KLF15: variants seen among roughly 807,000 people sequenced by gnomAD.
KLF15 encodes Krueppel-like factor 15.
Under a neutral mutation model 24.6 loss-of-function variants are expected in KLF15, and 4 were observed. That is an observed-to-expected ratio of 0.16 (90% CI 0.08 to 0.37). The LOEUF is 0.37. Ranked by LOEUF, KLF15 falls within the 10% of genes least tolerant of loss-of-function variation. KLF15 has a pLI of 1.00. For synonymous variants in KLF15, 246 were observed against 236.3 expected (o/e 1.04, Z -0.37); for missense variants, 496 against 560.6 (o/e 0.88, Z 1.16).
At chr3:126,323,416 TA>T in the KLF15 span, among the ~76,000 whole-genome samples, 11 of 35,392 alleles carry the variant, frequency 3.1e-4, no homozygotes, top group Admixed American at 3.1e-3. Context: ...TATATATATA[TA>T]TATATATATA....
At chr3:126,311,758 C>T in the KLF15 span, among the ~76,000 whole-genome samples, 1 of 152,226 alleles carries the variant, frequency 6.6e-6, no homozygotes, top group African/African-American at 2.4e-5. Flanking sequence ...TATAGCTCCC[C>T]TCACCCCCTG....
chr3:126,354,219 C>T (rs1000816981), intron 1 of KLF15: 4 of 152,310 alleles, frequency 2.6e-5, no homozygotes, highest in African/African-American at 4.8e-5. Flanking sequence ...CCAGCTGTGA[C>T]GGGGCCACCT....
chr3:126,332,303 AG>A, the KLF15 span, among the ~76,000 whole-genome samples: 4 of 148,514 alleles, frequency 2.7e-5, no homozygotes, highest in African/African-American at 9.9e-5. Context: ...ACCCCCCAGC[AG>A]GGGCACACTG....
chr3:126,294,551 G>A, the KLF15 span, among the ~76,000 whole-genome samples: 38 of 152,288 alleles, frequency 2.5e-4, no homozygotes, highest in African/African-American at 9.1e-4. Context: ...CTGTGGGGCA[G>A]GAGGAAGAGC....
chr3:126,335,944 A>T, the KLF15 span, among the ~76,000 whole-genome samples: 1 of 149,798 alleles, frequency 6.7e-6, no homozygotes, highest in South Asian at 2.2e-4. Context: ...CAAATGAAAG[A>T]ACATTCCATG....
the KLF15 span, among the ~76,000 whole-genome samples, chr3:126,328,912 T>C: frequency 6.6e-6 from 1 of 152,266 alleles, no homozygotes; most frequent in Non-Finnish European, 1.5e-5. Flanking sequence ...TATGTTTTAC[T>C]CACTAATTTG....
rs111412672 is a variant in KLF15, at chr3:126,349,776, G to A, written c.1082+2065C>T. Among the ~76,000 whole-genome samples, 1,036 of 152,316 alleles carry A rather than the reference G, an allele frequency of 6.8e-3. 16 individuals carry two copies. The highest frequency in any genetic ancestry group is 0.022 in the African/African-American group (934 of 41,574). ...GCCCGACTAAGGAGTCCAGACTGGTGCTTGGAGGGAGGTTTCCCTGCCTCT... is the reference window on the plus strand; with the variant it reads ...GCCCGACTAAGGAGTCCAGACTGGTACTTGGAGGGAGGTTTCCCTGCCTCT... On this transcript the variant is annotated intron_variant, in intron 2 of 2. Transcript: ENST00000296233.
intron 2 of KLF15, among the ~76,000 whole-genome samples, chr3:126,350,307 G>A (rs180829276): frequency 1.3e-5 from 2 of 152,338 alleles, no homozygotes; most frequent in Admixed American, 1.3e-4. Flanking sequence ...GCTCAGAGAG[G>A]TGGGGACTCC....
the KLF15 span, among the ~76,000 whole-genome samples, chr3:126,326,487 T>A: frequency 6.6e-6 from 1 of 152,206 alleles, no homozygotes; most frequent in East Asian, 1.9e-4. Context: ...GGAAAATAAA[T>A]TGTGGTGCCC....
the KLF15 span, among the ~76,000 whole-genome samples, chr3:126,303,891 C>A: frequency 6.6e-6 from 1 of 152,012 alleles, no homozygotes; most frequent in African/African-American, 2.4e-5. Flanking sequence ...TCTTTTTCTG[C>A]AACGTGTAAT....
chr3:126,341,008 G>T (rs1487440266), downstream of KLF15, among the ~76,000 whole-genome samples: 1 of 152,224 alleles, frequency 6.6e-6, no homozygotes, highest in Non-Finnish European at 1.5e-5. Flanking sequence ...ACACTGCTCT[G>T]CAGGGCGAAG....
chr3:126,340,103 G>A (rs1168197855), downstream of KLF15, among the ~76,000 whole-genome samples: 3 of 152,214 alleles, frequency 2.0e-5, no homozygotes, highest in South Asian at 4.1e-4. Context: ...CGTGGGAAGG[G>A]GGACCCACTG....
At chr3:126,310,281 T>A in the KLF15 span, among the ~76,000 whole-genome samples, 1 of 152,204 alleles carries the variant, frequency 6.6e-6, no homozygotes, top group Non-Finnish European at 1.5e-5. Context: ...AAAATACACA[T>A]CACTGAGACC....
chr3:126,323,423 AT>A, the KLF15 span, among the ~76,000 whole-genome samples: 2 of 29,298 alleles, frequency 6.8e-5, no homozygotes, highest in Admixed American at 4.5e-4. Flanking sequence ...ATATATATAT[AT>A]ATATATATAT....
the KLF15 span, among the ~76,000 whole-genome samples, chr3:126,307,224 C>T: frequency 6.6e-6 from 1 of 152,198 alleles, no homozygotes; most frequent in Non-Finnish European, 1.5e-5. Context: ...TCCCCCACTC[C>T]CAAAGGACTT....
chr3:126,324,806 C>CTTTTTTTTTTTTTTTT, the KLF15 span, among the ~76,000 whole-genome samples: 2 of 59,580 alleles, frequency 3.4e-5, no homozygotes, highest in Non-Finnish European at 3.0e-5. Context: ...TTTTTTCGCT[C>CTTTTTTTTTTTTTTTT]TTTTTTTTTT....
chr3:126,332,992 A>G, the KLF15 span, among the ~76,000 whole-genome samples: 1 of 68,392 alleles, frequency 1.5e-5, no homozygotes, highest in East Asian at 3.4e-4. Context: ...GTTGGAAAAC[A>G]CTCTGCAGGA....
Position 126,343,461 on chromosome 3 carries a change from GGAAGGCACGAAGGCAC to G in KLF15, c.*250_*265del, listed in dbSNP as rs70940816. 4 of 426,196 alleles carry G rather than the reference GGAAGGCACGAAGGCAC, an allele frequency of 9.4e-6. No individual in the cohort carries two copies. The highest frequency in any genetic ancestry group is 6.5e-5 in the South Asian group (2 of 30,860). The allele number at this position is 426,196 out of a possible 1,614,324, so 26.4% of individuals were successfully genotyped here. A position where few individuals can be genotyped will look rare whatever the true frequency, so the allele number is the denominator to read the frequency against. The stretch of plus-strand genomic sequence containing the variant: ...CTGCAGCAGAGGCCTGGCCACCGCG[GGAAGGCACGAAGGCAC>G]GAAGGCACGAAGGCCTGCCTCCAGC... On this transcript the variant is annotated 3_prime_UTR_variant, in exon 3 of 3. Coordinates refer to ENST00000296233, the MANE Select transcript of KLF15 (RefSeq NM_014079.4).
At chr3:126,299,652 G>A in the KLF15 span, among the ~76,000 whole-genome samples, 2 of 151,080 alleles carry the variant, frequency 1.3e-5, no homozygotes, top group African/African-American at 2.4e-5. Context: ...AGGAGGCTGA[G>A]GCAGGAGAAT....
Sources: gnomAD v4.1 joint callset for allele counts (sites outside exome capture counted in the v4.1 genomes callset) on GRCh38, gnomAD v4.1.1 for gene constraint, MANE v1.5 for transcripts, NCBI Gene and HGNC (gene_info 2026-07-23, HGNC 2026-07-21) for gene names.